The following TTLL6 variants were observed in gnomAD, a reference collection of about 807,000 sequenced individuals.
The protein encoded by TTLL6 is tubulin tyrosine ligase like 6, also known as tubulin polyglutamylase TTLL6.
In TTLL6, 75 loss-of-function variants were observed where a neutral mutation model predicts 96.4. The ratio of observed to expected loss-of-function variants is 0.78; its 90% CI spans 0.65 to 0.94. The LOEUF is 0.94. Among genes scored for constraint, TTLL6 ranks in the 40% least tolerant of loss-of-function variants. TTLL6 has a pLI of 0.00. For missense variants in TTLL6, 1,030 were observed against 1,093.0 expected (o/e 0.94, Z 0.81); for synonymous variants, 411 against 419.4 (o/e 0.98, Z 0.24).
chr17:48,767,635 GATTCAC>G (rs2038641953), intron 15 of TTLL6, among the ~76,000 whole-genome samples: 1 of 152,174 alleles, frequency 6.6e-6, no homozygotes, highest in South Asian at 2.1e-4. Flanking sequence ...GGAGGGAGAC[GATTCAC>G]ATCTCTAGCC....
At chr17:48,809,138 A>T (rs2039545225) in intron 1 of TTLL6, among the ~76,000 whole-genome samples, 1 of 147,462 alleles carries the variant, frequency 6.8e-6, no homozygotes. Flanking sequence ...AAGGATTGCC[A>T]CTTGTTTCTT....
chr17:48,778,742 C>T (rs1485882119), intron 13 of TTLL6, among the ~76,000 whole-genome samples: 5 of 151,686 alleles, frequency 3.3e-5, no homozygotes, highest in African/African-American at 4.8e-5. Flanking sequence ...CCAGCCTGAC[C>T]GACATAGTGA....
chr17:48,811,695 C>CTT (rs34983566), intron 1 of TTLL6, among the ~76,000 whole-genome samples: 89 of 118,974 alleles, frequency 7.5e-4, no homozygotes, highest in Non-Finnish European at 9.2e-4. Context: ...GAGCAGAAAG[C>CTT]TTTTTTTTTT....
chr17:48,801,471 C>T, intron 4 of TTLL6, 54 bp downstream of exon 4: 2 of 1,550,858 alleles, frequency 1.3e-6, no homozygotes, highest in Non-Finnish European at 1.7e-6. Flanking sequence ...AAAAATGGGG[C>T]CCCGCCGGGT....
rs1204745233 is a variant in TTLL6 at position 48,769,239 on chromosome 17, G to A, written c.2426C>T (p.Pro809Leu). The change falls in exon 15 of 16, where the codon CCT becomes CTT. Residue 809 changes from proline to leucine, a missense_variant. By Grantham distance (98) the Pro-to-Leu change is moderately conservative. Coordinates refer to ENST00000393382, the MANE Select transcript of TTLL6 (RefSeq NM_001130918.3). ...GTCACTGCGGGAGTGGCACTCCCCAGGCAGGGAGGGGTTTTCTGGAAAGGC... is the reference window on the plus strand; with the variant it reads ...GTCACTGCGGGAGTGGCACTCCCCAAGCAGGGAGGGGTTTTCTGGAAAGGC... ...MNNLSQNPSL[P>L]GECHSRSDSS... The A allele has an allele frequency of 1.2e-6, 2 of 1,601,476 alleles. No homozygotes were observed. The highest frequency in any genetic ancestry group is 3.4e-5 in the Admixed American group (2 of 59,058).
chr17:48,807,082 TTTG>T (rs1319869272), intron 1 of TTLL6, among the ~76,000 whole-genome samples: 1 of 151,824 alleles, frequency 6.6e-6, no homozygotes, highest in African/African-American at 2.4e-5. Flanking sequence ...AATTTCTTTT[TTTG>T]TTGTTGTTTT....
At chr17:48,810,782 TATATATATATA>T (rs543256975) in intron 1 of TTLL6, among the ~76,000 whole-genome samples, 5,589 of 93,186 alleles carry the variant, frequency 0.06, 374 homozygotes, top group Middle Eastern at 0.14. Flanking sequence ...AGTATGTGTG[TATATATATATA>T]GTACATATAT....
Position 48,785,091 on chromosome 17 carries a change from C to T in TTLL6, c.1872G>A (p.Glu624=). The T allele has an allele frequency of 6.2e-7, 1 of 1,614,172 alleles. No individual in the cohort carries two copies. Among genetic ancestry groups the T allele is most frequent in the South Asian group, 1.1e-5 (1 of 91,084 alleles). Residue 624 remains glutamate, a synonymous_variant, in exon 13 of 16, where the codon GAG becomes GAA. Coordinates refer to ENST00000393382, the MANE Select transcript of TTLL6 (RefSeq NM_001130918.3). ...GCTTGGGGAAAACAGAGCTGGCCTC[C>T]TCCGTGGGAGCCTCCTGGTTGAGGC... is the stretch of plus-strand genomic sequence containing the variant. ...DSSLNQEAPT[E]EASSVFPKLT... is the part of the protein sequence containing the mutation.
Position 48,803,898 on chromosome 17 carries a change from A to G in TTLL6, c.354T>C (p.Tyr118=). The change falls in exon 3 of 16, where the codon TAT becomes TAC. Residue 118 remains tyrosine, a synonymous_variant. Transcript: ENST00000393382. ...RLVINLSSCR[Y]ESVRRAAQQY... ...CTGAATGTAGATGCTCACCACTCTC[A>G]TACCGGCAGCTGGATAGATTGATCA... The G allele has an allele frequency of 6.4e-7, 1 of 1,552,038 alleles. No homozygotes were observed. The highest frequency in any genetic ancestry group is 1.2e-5 in the South Asian group (1 of 84,060).
chr17:48,816,886 G>C (rs746474788), intron 1 of TTLL6, 84 bp downstream of exon 1: 12 of 1,078,870 alleles, frequency 1.1e-5, no homozygotes, highest in Non-Finnish European at 1.5e-5. Flanking sequence ...TGGGTTTAAG[G>C]AGACGTGTCT....
intron 13 of TTLL6, among the ~76,000 whole-genome samples, chr17:48,783,305 G>T (rs1292813745): frequency 6.6e-6 from 1 of 152,056 alleles, no homozygotes; most frequent in Non-Finnish European, 1.5e-5. Flanking sequence ...GCCCTTGGTG[G>T]GCTTCAGTGG....
intron 1 of TTLL6, among the ~76,000 whole-genome samples, chr17:48,805,303 GTGTC>G (rs2039490311): frequency 6.6e-6 from 1 of 152,220 alleles, no homozygotes; most frequent in Non-Finnish European, 1.5e-5. Context: ...AAGTGAGTGA[GTGTC>G]TGGAGACAGC....
At chr17:48,795,876 G>C (rs1190474591) in intron 8 of TTLL6, among the ~76,000 whole-genome samples, 185 bp downstream of exon 8, 1 of 152,146 alleles carries the variant, frequency 6.6e-6, no homozygotes, top group Non-Finnish European at 1.5e-5. Flanking sequence ...TTCTTTTAAT[G>C]ATTAACAGCC....
At chr17:48,801,101 T>C (rs1035088882) in intron 5 of TTLL6, among the ~76,000 whole-genome samples, 154 bp downstream of exon 5, 2 of 152,158 alleles carry the variant, frequency 1.3e-5, no homozygotes, top group Admixed American at 6.6e-5. Context: ...TTCTCAACCT[T>C]GGACACACCC....
chr17:48,783,463 A>G (rs923477729), intron 13 of TTLL6, among the ~76,000 whole-genome samples: 3 of 150,134 alleles, frequency 2.0e-5, no homozygotes, highest in Non-Finnish European at 4.4e-5. Flanking sequence ...ATAGAGTCTC[A>G]CTCTGTTGCC....
chr17:48,815,175 C>T (rs1329885230), intron 1 of TTLL6, among the ~76,000 whole-genome samples: 1 of 152,154 alleles, frequency 6.6e-6, no homozygotes, highest in Non-Finnish European at 1.5e-5. Context: ...CCTGGGAGAA[C>T]ATATTTCAAG....
At chr17:48,810,217 G>T (rs1281754329) in intron 1 of TTLL6, among the ~76,000 whole-genome samples, 1 of 151,630 alleles carries the variant, frequency 6.6e-6, no homozygotes, top group Non-Finnish European at 1.5e-5. Flanking sequence ...AGGGCCTCAT[G>T]CATGTAAAGT....
intron 1 of TTLL6, 132 bp downstream of exon 1, chr17:48,816,838 G>C: frequency 1.6e-6 from 1 of 608,804 alleles, no homozygotes; most frequent in Non-Finnish European, 2.7e-6. Flanking sequence ...ACGCCACCAG[G>C]GAGGGCAGCG....
chr17:48,801,423 C>A lies in TTLL6; in HGVS notation c.481-38G>T, dbSNP rs551308721. 9.4e-5 allele frequency: 146 copies of A among 1,551,364 alleles called. 2 individuals are homozygous for A. The South Asian group carries it at 1.7e-3, about 18-fold the overall frequency. On this transcript the variant is annotated intron_variant, in intron 4 of 15. Transcript: ENST00000393382. ...CCGGAATTCATGAGCAATCGAGGGA[C>A]ATGGGAGTACTACAAGATCTCCTCG...
Sources: allele counts gnomAD v4.1 joint callset (sites outside exome capture counted in the v4.1 genomes callset), GRCh38; gene constraint gnomAD v4.1.1; transcripts MANE v1.5; gene names NCBI Gene and HGNC (gene_info 2026-07-23, HGNC 2026-07-21).